Variants in ST6GALNAC3 observed in about 807,000 individuals in gnomAD.
ST6GALNAC3 encodes ST6 N-acetylgalactosaminide alpha-2,6-sialyltransferase 3.
A neutral mutation model predicts 32.7 loss-of-function variants in ST6GALNAC3; 25 were observed. That is an observed-to-expected ratio of 0.76 (90% CI 0.56 to 1.07). The LOEUF (loss-of-function observed/expected upper bound fraction) is 1.07, where lower values mean the gene tolerates loss of function less well. ST6GALNAC3 is among the 50% of genes least tolerant of loss of function. ST6GALNAC3 has a pLI of 0.00. For missense variants in ST6GALNAC3, 355 were observed against 382.4 expected, an observed-to-expected ratio of 0.93 and a Z score of 0.60; for synonymous variants, 129 against 133.1, an observed-to-expected ratio of 0.97 and a Z score of 0.21.
At chr1:76,177,487 A>G (rs1056515275) in intron 1 of ST6GALNAC3, among the ~76,000 whole-genome samples, 1 of 152,068 alleles carries the variant, frequency 6.6e-6, no homozygotes, top group Non-Finnish European at 1.5e-5. Flanking sequence ...GATCCTTTAG[A>G]TCTTTATTAA....
chr1:76,230,499 A>G (rs1656311200), intron 1 of ST6GALNAC3, among the ~76,000 whole-genome samples: 1 of 152,214 alleles, frequency 6.6e-6, no homozygotes, highest in Non-Finnish European at 1.5e-5. Context: ...GCAATATACT[A>G]GAGTCCAAGT....
chr1:76,496,957 G>A (rs72678076), intron 3 of ST6GALNAC3, among the ~76,000 whole-genome samples: 1 of 152,080 alleles, frequency 6.6e-6, no homozygotes, highest in Admixed American at 6.5e-5. Flanking sequence ...CTGCCCTCTG[G>A]CTTCTTCAAA....
At chr1:76,353,126 T>C (rs1388276838) in intron 2 of ST6GALNAC3, among the ~76,000 whole-genome samples, 1 of 152,126 alleles carries the variant, frequency 6.6e-6, no homozygotes, top group Non-Finnish European at 1.5e-5. Context: ...TTCACTGCAG[T>C]CAGAATAAAC....
chr1:76,291,443 G>A (rs1045388656), intron 1 of ST6GALNAC3, among the ~76,000 whole-genome samples: 6 of 152,146 alleles, frequency 3.9e-5, no homozygotes, highest in African/African-American at 1.4e-4. Context: ...CAGCCCAGCC[G>A]GGACACTCCC....
intron 2 of ST6GALNAC3, among the ~76,000 whole-genome samples, chr1:76,386,204 G>A (rs1291338025): frequency 2.6e-5 from 4 of 152,052 alleles, no homozygotes; most frequent in African/African-American, 9.7e-5. Flanking sequence ...TGAATCTTGA[G>A]AGATGGCTAA....
At chr1:76,281,251 A>C (rs558787649) in intron 1 of ST6GALNAC3, among the ~76,000 whole-genome samples, 2 of 152,314 alleles carry the variant, frequency 1.3e-5, no homozygotes, top group East Asian at 3.9e-4. Context: ...TGAGTTTGCA[A>C]ATTTTCTCTC....
chr1:76,385,511 A>G (rs1652028212), intron 2 of ST6GALNAC3, among the ~76,000 whole-genome samples: 1 of 152,134 alleles, frequency 6.6e-6, no homozygotes, highest in African/African-American at 2.4e-5. Context: ...ATGTAGAGGT[A>G]ATAGCAATAT....
At position 76,239,787 on chromosome 1, in the gene ST6GALNAC3, C is replaced by T. The variant is rs926813726; in HGVS notation, c.19-74018C>T. Reference sequence around the variant, plus strand: ...CAGAGGAGCACTGAATTATATGGTACGGAAACATCAACTTCCAACCACAAC... The same window carrying T: ...CAGAGGAGCACTGAATTATATGGTATGGAAACATCAACTTCCAACCACAAC... On this transcript the variant is annotated intron_variant, in intron 1 of 4. Coordinates refer to ENST00000328299, the MANE Select transcript of ST6GALNAC3 (RefSeq NM_152996.4). Among the ~76,000 whole-genome samples, 14 of 152,112 alleles carry T rather than the reference C, an allele frequency of 9.2e-5. 1 individual carries two copies. The highest frequency in any genetic ancestry group is 2.7e-4 in the African/African-American group (11 of 41,402).
intron 3 of ST6GALNAC3, among the ~76,000 whole-genome samples, chr1:76,486,476 TA>T (rs1385153890): frequency 2.0e-5 from 3 of 152,222 alleles, no homozygotes; most frequent in African/African-American, 7.2e-5. Flanking sequence ...TACCATTATG[TA>T]ATGGCCTTCT....
At chr1:76,581,962 A>G (rs1358875011) in intron 3 of ST6GALNAC3, among the ~76,000 whole-genome samples, 1 of 152,158 alleles carries the variant, frequency 6.6e-6, no homozygotes, top group Non-Finnish European at 1.5e-5. Flanking sequence ...TCTTGTGTCT[A>G]ATGTGCTTGC....
chr1:76,272,897 T>C (rs751345305), intron 1 of ST6GALNAC3, among the ~76,000 whole-genome samples: 15 of 152,336 alleles, frequency 9.8e-5, no homozygotes, highest in Middle Eastern at 3.4e-3. Flanking sequence ...GGCTATCTTT[T>C]GCTTTTGGCG....
At chr1:76,099,382 C>T (rs1052426620) in intron 1 of ST6GALNAC3, among the ~76,000 whole-genome samples, 6 of 152,078 alleles carry the variant, frequency 3.9e-5, no homozygotes, top group African/African-American at 1.4e-4. Flanking sequence ...GAAATGAAAA[C>T]GTATGTCCAC....
At chr1:76,403,539 TAAAC>T (rs1389004871) in intron 2 of ST6GALNAC3, among the ~76,000 whole-genome samples, 5 of 152,132 alleles carry the variant, frequency 3.3e-5, no homozygotes, top group Non-Finnish European at 7.4e-5. Context: ...ATGTGGGACT[TAAAC>T]AAAATTATGT....
At chr1:76,144,562 A>G (rs1246116478) in intron 1 of ST6GALNAC3, among the ~76,000 whole-genome samples, 2 of 152,214 alleles carry the variant, frequency 1.3e-5, no homozygotes, top group African/African-American at 2.4e-5. Flanking sequence ...TCAATGCTGA[A>G]GAAAACAACA....
intron 3 of ST6GALNAC3, among the ~76,000 whole-genome samples, chr1:76,538,749 A>G (rs1463769676): frequency 6.6e-6 from 1 of 152,174 alleles, no homozygotes; most frequent in Non-Finnish European, 1.5e-5. Context: ...CCAAATCATG[A>G]ATGAACTCCC....
rs995700937 is a variant in ST6GALNAC3, at chr1:76,437,509, CT to C, written c.623+25102del. On this transcript the variant is annotated intron_variant, in intron 3 of 4. Transcript: ENST00000328299. ...AACATTCGTTGGTGCCCAATGAAGT[CT>C]TTTTTTTTTAACTTGTCAAATTACT... Among the ~76,000 whole-genome samples the C allele has an allele frequency of 4.9e-3, 721 of 146,432 alleles. 6 individuals carry two copies. Among genetic ancestry groups the C allele is most frequent in the African/African-American group, 0.015 (609 of 39,960 alleles).
Position 76,112,630 on chromosome 1 carries a change from T to A in ST6GALNAC3, c.18+37746T>A, listed in dbSNP as rs1354964625. Among the ~76,000 whole-genome samples the A allele has an allele frequency of 6.1e-5, 9 of 148,062 alleles. No homozygotes were observed. The South Asian group carries it at 1.3e-3, about 21-fold the overall frequency. On this transcript the variant is annotated intron_variant, in intron 1 of 4. Coordinates refer to ENST00000328299, the MANE Select transcript of ST6GALNAC3 (RefSeq NM_152996.4). ...CTCCTCACTTCTCAGACGGGGCGGT[T>A]GCTGGGCGGAGGGGCTCCTCACTTC...
intron 3 of ST6GALNAC3, among the ~76,000 whole-genome samples, chr1:76,423,099 T>C (rs1267532719): frequency 6.6e-6 from 1 of 152,030 alleles, no homozygotes; most frequent in East Asian, 1.9e-4. Context: ...GCTCATTAGG[T>C]ATTTATTACC....
intron 1 of ST6GALNAC3, among the ~76,000 whole-genome samples, chr1:76,209,050 C>T (rs1236565573): frequency 6.6e-6 from 1 of 152,074 alleles, no homozygotes; most frequent in Non-Finnish European, 1.5e-5. Context: ...GCTCATTTTG[C>T]TTAATTGCTG....
Sources: gnomAD v4.1 joint callset for allele counts (sites outside exome capture counted in the v4.1 genomes callset) on GRCh38, gnomAD v4.1.1 for gene constraint, MANE v1.5 for transcripts, NCBI Gene and HGNC (gene_info 2026-07-23, HGNC 2026-07-21) for gene names.